Variants in DAD1 observed in about 807,000 individuals in gnomAD.
DAD1 encodes dolichyl-diphosphooligosaccharide--protein glycosyltransferase subunit DAD1.
In DAD1, 4 loss-of-function variants were observed where a neutral mutation model predicts 9.0. The ratio of observed to expected loss-of-function variants is 0.44; its 90% CI spans 0.22 to 1.01. The LOEUF (loss-of-function observed/expected upper bound fraction) is 1.01. Ranked by LOEUF, DAD1 falls within the 50% of genes least tolerant of loss-of-function variation. The probability of loss-of-function intolerance (pLI) is 0.24; values close to 1 mark genes in which losing one functional copy is unlikely to be tolerated. For synonymous variants in DAD1, 60 were observed against 62.5 expected (o/e 0.96, Z 0.19); for missense variants, 119 against 137.3 (o/e 0.87, Z 0.67).
At chr14:22,565,243 A>G (rs751745015) in intron 2 of DAD1, 106 bp from the exon 3 acceptor site, 21 of 626,902 alleles carry the variant, frequency 3.3e-5, no homozygotes, top group Non-Finnish European at 5.2e-5. Context: ...GGGTTCCCAC[A>G]CTCAGGACAA....
At chr14:22,581,724 C>G (rs1242642897) in intron 1 of DAD1, among the ~76,000 whole-genome samples, 60 of 78,330 alleles carry the variant, frequency 7.7e-4, no homozygotes, top group African/African-American at 2.9e-3. Context: ...GCCTGGGCAA[C>G]AAGAGCAAAA....
At chr14:22,579,053 C>T (rs1167612277) in intron 1 of DAD1, among the ~76,000 whole-genome samples, 3 of 152,096 alleles carry the variant, frequency 2.0e-5, no homozygotes, top group East Asian at 1.9e-4. Context: ...AAAGATAGCA[C>T]GCTCATTCTT....
intron 1 of DAD1, among the ~76,000 whole-genome samples, chr14:22,587,907 T>G (rs1024546348): frequency 6.6e-6 from 1 of 152,192 alleles, no homozygotes; most frequent in Admixed American, 6.5e-5. Context: ...GGCTAATTTA[T>G]GTATTTTCAG....
rs757700680 is a variant in DAD1, at chr14:22,588,926, G to A, written c.211+21C>T. The stretch of plus-strand genomic sequence containing the variant: ...CACCAAAGTAACACATTATTATTAT[G>A]ATCACTTATAGAACCATTACCCGCT... On this transcript the variant is annotated intron_variant, in intron 1 of 2. Coordinates refer to ENST00000250498, the MANE Select transcript of DAD1 (RefSeq NM_001344.4). 2.5e-6 allele frequency: 4 copies of A among 1,609,724 alleles called. No homozygotes were observed. The South Asian group carries it at 4.4e-5, about 18-fold the overall frequency.
At chr14:22,583,350 AAGC>A (rs1472347346) in intron 1 of DAD1, among the ~76,000 whole-genome samples, 1 of 152,140 alleles carries the variant, frequency 6.6e-6, no homozygotes, top group Admixed American at 6.6e-5. Flanking sequence ...GAGACAGAAC[AAGC>A]AGGAGAGTGT....
chr14:22,588,396 G>C (rs1293123720), intron 1 of DAD1, among the ~76,000 whole-genome samples: 1 of 152,168 alleles, frequency 6.6e-6, no homozygotes, highest in East Asian at 1.9e-4. Flanking sequence ...CTAAAATAGA[G>C]TTATGTGAAC....
rs5742837 is a variant in DAD1 at position 22,569,877 on chromosome 14, C to T, written c.*45-4740G>A. Among the ~76,000 whole-genome samples the T allele has an allele frequency of 9.7e-3, 1,479 of 152,196 alleles. 20 individuals are homozygous for T. The highest frequency in any genetic ancestry group is 0.033 in the African/African-American group (1,389 of 41,498). ...CTCAGAGCCAGGCACTGTGACACAC[C>T]TGTAGGTCCAGCTACACAGAAGCCT... On this transcript the variant is annotated intron_variant, in intron 2 of 2. Transcript: ENST00000250498.
chr14:22,573,794 T>C (rs2037059440), intron 2 of DAD1, among the ~76,000 whole-genome samples: 1 of 150,866 alleles, frequency 6.6e-6, no homozygotes, highest in Admixed American at 6.6e-5. Flanking sequence ...ACTACCAAAA[T>C]GATACCTTAC....
At chr14:22,565,871 G>T (rs2036999089) in intron 2 of DAD1, among the ~76,000 whole-genome samples, 1 of 152,124 alleles carries the variant, frequency 6.6e-6, no homozygotes, top group Non-Finnish European at 1.5e-5. Context: ...CAGCCTTAGG[G>T]GCTCCAATGT....
At chr14:22,575,665 A>G (rs1382085742) in intron 1 of DAD1, among the ~76,000 whole-genome samples, 1 of 152,154 alleles carries the variant, frequency 6.6e-6, no homozygotes, top group African/African-American at 2.4e-5. Context: ...CTCCTGCCTC[A>G]GCCTCCCAAG....
At chr14:22,577,757 T>C (rs1456369609) in intron 1 of DAD1, among the ~76,000 whole-genome samples, 2 of 152,080 alleles carry the variant, frequency 1.3e-5, no homozygotes, top group African/African-American at 4.8e-5. Flanking sequence ...AGTGGAATGG[T>C]AGATGCCAGG....
intron 1 of DAD1, among the ~76,000 whole-genome samples, chr14:22,580,688 T>C (rs1419037662): frequency 6.6e-6 from 1 of 151,980 alleles, no homozygotes; most frequent in Non-Finnish European, 1.5e-5. Context: ...TGAATCAGAG[T>C]CCCACAAAGT....
intron 1 of DAD1, among the ~76,000 whole-genome samples, chr14:22,585,089 C>T (rs918053003): frequency 8.5e-5 from 13 of 152,312 alleles, no homozygotes; most frequent in Middle Eastern, 3.4e-3. Flanking sequence ...TGGATAATTC[C>T]AAAAGAAATG....
intron 1 of DAD1, among the ~76,000 whole-genome samples, chr14:22,587,658 T>A (rs530046595): frequency 2.6e-5 from 4 of 152,136 alleles, no homozygotes; most frequent in Non-Finnish European, 5.9e-5. Flanking sequence ...CTAAGAAATA[T>A]CTCTGGTGTG....
intron 2 of DAD1, among the ~76,000 whole-genome samples, chr14:22,572,596 T>C (rs1378006982): frequency 1.3e-5 from 2 of 152,208 alleles, no homozygotes. Context: ...TAATATGGTC[T>C]GCAGTACACA....
chr14:22,578,705 A>G (rs553407238), intron 1 of DAD1, among the ~76,000 whole-genome samples: 1 of 152,342 alleles, frequency 6.6e-6, no homozygotes, highest in Admixed American at 6.5e-5. Flanking sequence ...GGAGGCATCT[A>G]TGGTGCTGGT....
At chr14:22,582,290 G>A (rs558357557) in intron 1 of DAD1, among the ~76,000 whole-genome samples, 58 of 151,910 alleles carry the variant, frequency 3.8e-4, no homozygotes, top group East Asian at 3.3e-3. Flanking sequence ...CAAGGCGGGC[G>A]GATCACAAGG....
chr14:22,577,151 C>T (rs5742782), intron 1 of DAD1, among the ~76,000 whole-genome samples: 1,599 of 152,242 alleles, frequency 0.011, 19 homozygotes, highest in African/African-American at 0.026. Flanking sequence ...AGCAGGATCT[C>T]GGCCAGGCAC....
At chr14:22,576,067 T>G (rs1343486396) in intron 1 of DAD1, among the ~76,000 whole-genome samples, 1 of 151,940 alleles carries the variant, frequency 6.6e-6, no homozygotes, top group African/African-American at 2.4e-5. Context: ...CAGGGTCTGG[T>G]GGTGCTGCCC....
Sources: gnomAD v4.1 joint callset for allele counts (sites outside exome capture counted in the v4.1 genomes callset) on GRCh38, gnomAD v4.1.1 for gene constraint, MANE v1.5 for transcripts, NCBI Gene and HGNC (gene_info 2026-07-23, HGNC 2026-07-21) for gene names.